The following C10orf67 variants were observed in gnomAD, a reference collection of about 807,000 sequenced individuals.
C10orf67 encodes the protein chromosome 10 open reading frame 67, also known as uncharacterized protein C10orf67, mitochondrial.
In C10orf67, 60 loss-of-function variants were observed where a neutral mutation model predicts 35.6. That is an observed-to-expected ratio of 1.68 (90% confidence interval 1.37 to 2.09). The LOEUF is 2.09. C10orf67 is among the 30% of genes most tolerant of loss of function. The pLI is 0.00. For synonymous variants in C10orf67, 167 were observed against 115.8 expected (o/e 1.44, Z -2.84); for missense variants, 474 against 330.2 (o/e 1.44, Z -3.38).
At chr10:23,313,783 G>T (rs1844587974) in intron 4 of C10orf67, among the ~76,000 whole-genome samples, 1 of 152,148 alleles carries the variant, frequency 6.6e-6, no homozygotes, top group Admixed American at 6.5e-5. Flanking sequence ...GACATAAAAG[G>T]ACCTTCTAAG....
intron 2 of C10orf67, among the ~76,000 whole-genome samples, chr10:23,328,253 C>T (rs887934547): frequency 6.6e-6 from 1 of 152,084 alleles, no homozygotes. Context: ...CTGATGGAAC[C>T]ATGACATTGT....
At chr10:23,332,951 G>T in intron 2 of C10orf67, 111 bp downstream of exon 2, 1 of 1,085,904 alleles carries the variant, frequency 9.2e-7, no homozygotes, top group Non-Finnish European at 1.3e-6. Context: ...GTTTGTCAAA[G>T]ATGCTAACAT....
chr10:23,242,730 G>T (rs760604462), intron 12 of C10orf67, among the ~76,000 whole-genome samples: 2 of 151,154 alleles, frequency 1.3e-5, no homozygotes, highest in Non-Finnish European at 2.9e-5. Flanking sequence ...TTTTACAAAG[G>T]AGAAATTTCA....
intron 2 of C10orf67, among the ~76,000 whole-genome samples, chr10:23,327,511 A>T (rs1845245083): frequency 6.6e-6 from 1 of 152,180 alleles, no homozygotes; most frequent in South Asian, 2.1e-4. Context: ...CATAAATTCA[A>T]TAATTAATAA....
intron 2 of C10orf67, among the ~76,000 whole-genome samples, chr10:23,329,636 C>T (rs1316663904): frequency 2.0e-5 from 3 of 151,400 alleles, no homozygotes; most frequent in Non-Finnish European, 4.4e-5. Flanking sequence ...TCTATCTCTA[C>T]CAAAAATTTA....
At chr10:23,314,377 C>A (rs1224450115) in intron 4 of C10orf67, among the ~76,000 whole-genome samples, 7 of 151,792 alleles carry the variant, frequency 4.6e-5, no homozygotes, top group Non-Finnish European at 1.0e-4. Context: ...ATCCCAGCAC[C>A]TTGGGAGGCT....
intron 4 of C10orf67, among the ~76,000 whole-genome samples, chr10:23,306,169 A>G (rs185333450): frequency 6.6e-6 from 1 of 152,318 alleles, no homozygotes; most frequent in African/African-American, 2.4e-5. Context: ...AAAAAGGTAA[A>G]TAGTGTATTA....
chr10:23,232,289 G>A (rs964251657), intron 13 of C10orf67, among the ~76,000 whole-genome samples: 1 of 152,128 alleles, frequency 6.6e-6, no homozygotes, highest in Non-Finnish European at 1.5e-5. Flanking sequence ...ACTTAGACTT[G>A]ACCCCAAATT....
intron 2 of C10orf67, among the ~76,000 whole-genome samples, chr10:23,324,286 T>C (rs1227580193): frequency 6.6e-6 from 1 of 152,012 alleles, no homozygotes; most frequent in African/African-American, 2.4e-5. Flanking sequence ...CCTAAGCAGA[T>C]GCTTCTCTAC....
intron 10 of C10orf67, among the ~76,000 whole-genome samples, chr10:23,253,790 T>C (rs1224607993): frequency 1.3e-5 from 2 of 152,162 alleles, no homozygotes; most frequent in Non-Finnish European, 2.9e-5. Context: ...CTAAAATCTA[T>C]CTTCTGTAAA....
intron 13 of C10orf67, among the ~76,000 whole-genome samples, 197 bp downstream of exon 13, chr10:23,239,532 A>G (rs926567351): frequency 3.3e-5 from 5 of 152,210 alleles, no homozygotes; most frequent in African/African-American, 4.8e-5. Flanking sequence ...TTGTTTACAC[A>G]TCTACCTCTC....
intron 8 of C10orf67, among the ~76,000 whole-genome samples, chr10:23,278,376 A>G (rs1843258715): frequency 6.6e-6 from 1 of 152,232 alleles, no homozygotes. Flanking sequence ...CGGGCTTATT[A>G]AAGTACATAT....
intron 12 of C10orf67, among the ~76,000 whole-genome samples, chr10:23,249,084 T>C (rs2132155006): frequency 7.8e-6 from 1 of 127,814 alleles, no homozygotes; most frequent in Admixed American, 1.0e-4. Flanking sequence ...GAGCCGAGAT[T>C]GCACCACTGC....
intron 15 of C10orf67, among the ~76,000 whole-genome samples, chr10:23,219,372 C>T (rs536941582): frequency 3.3e-5 from 5 of 152,276 alleles, no homozygotes; most frequent in African/African-American, 1.2e-4. Flanking sequence ...AAGAACATTT[C>T]CAAAGATTAC....
At chr10:23,234,326 T>C (rs1308058563) in intron 13 of C10orf67, among the ~76,000 whole-genome samples, 1 of 152,178 alleles carries the variant, frequency 6.6e-6, no homozygotes, top group Non-Finnish European at 1.5e-5. Context: ...ATACACACCA[T>C]GGAATACTAT....
At chr10:23,279,006 C>T (rs749197788) in intron 8 of C10orf67, among the ~76,000 whole-genome samples, 7 of 152,150 alleles carry the variant, frequency 4.6e-5, no homozygotes, top group African/African-American at 1.7e-4. Context: ...AATCCCAACA[C>T]TTTAGGAGGC....
At chr10:23,224,302 C>G (rs761277926) in intron 13 of C10orf67, among the ~76,000 whole-genome samples, 5 of 152,178 alleles carry the variant, frequency 3.3e-5, no homozygotes, top group African/African-American at 1.2e-4. Context: ...CTCCAACAGA[C>G]CTGCAGCTGA....
intron 2 of C10orf67, among the ~76,000 whole-genome samples, chr10:23,327,039 A>C (rs1845228846): frequency 6.6e-6 from 1 of 152,166 alleles, no homozygotes; most frequent in Non-Finnish European, 1.5e-5. Flanking sequence ...CATTTCTTGT[A>C]CTGTACGGTA....
rs1843340482 is a variant in C10orf67, at chr10:23,280,627, G to A, written c.975+1386C>T. Among the ~76,000 whole-genome samples the A allele has an allele frequency of 2.6e-5, 4 of 152,190 alleles. No individual in the cohort carries two copies. In the South Asian group the frequency reaches 8.3e-4, roughly 32 times the overall value. On this transcript the variant is annotated intron_variant, in intron 8 of 15. Coordinates refer to ENST00000636213, the MANE Select transcript of C10orf67 (RefSeq NM_001371909.1). Reference sequence around the variant, plus strand: ...CTGAAGGCTCTTTCGCTGTCGTGGGGTTTGTGGTGCAGGCTCTTGCTGCTT... The same window carrying A: ...CTGAAGGCTCTTTCGCTGTCGTGGGATTTGTGGTGCAGGCTCTTGCTGCTT...
Sources: allele counts gnomAD v4.1 joint callset (sites outside exome capture counted in the v4.1 genomes callset), GRCh38; gene constraint gnomAD v4.1.1; transcripts MANE v1.5; gene names NCBI Gene and HGNC (gene_info 2026-07-23, HGNC 2026-07-21).